Variants in ADAMTS17 observed in about 807,000 individuals in gnomAD.
The protein encoded by ADAMTS17 is ADAM metallopeptidase with thrombospondin type 1 motif 17.
In ADAMTS17, 113 loss-of-function variants were observed where a neutral mutation model predicts 141.5. The ratio of observed to expected loss-of-function variants is 0.80; its 90% confidence interval spans 0.69 to 0.93. The LOEUF is 0.93. ADAMTS17 is among the 40% of genes least tolerant of loss of function. ADAMTS17 has a pLI of 0.00. For missense variants in ADAMTS17, 1,659 were observed against 1,517.9 expected, an observed-to-expected ratio of 1.09 and a Z score of -1.54; for synonymous variants, 768 against 630.6, an observed-to-expected ratio of 1.22 and a Z score of -3.27.
At chr15:100,160,835 T>C (rs1254695613) in intron 8 of ADAMTS17, among the ~76,000 whole-genome samples, 1 of 152,206 alleles carries the variant, frequency 6.6e-6, no homozygotes, top group Non-Finnish European at 1.5e-5. Context: ...CTTTACAGTT[T>C]GATTAACCAG....
intron 15 of ADAMTS17, among the ~76,000 whole-genome samples, chr15:100,094,315 C>A (rs2035634735): frequency 6.6e-6 from 1 of 152,254 alleles, no homozygotes; most frequent in Non-Finnish European, 1.5e-5. Flanking sequence ...GGGGGACTCA[C>A]TGTCATGGCC....
At chr15:100,191,915 A>T (rs2040931901) in intron 8 of ADAMTS17, among the ~76,000 whole-genome samples, 1 of 152,180 alleles carries the variant, frequency 6.6e-6, no homozygotes, top group Non-Finnish European at 1.5e-5. Context: ...GTGGCTTGTC[A>T]AGGTGAAGAA....
intron 15 of ADAMTS17, among the ~76,000 whole-genome samples, chr15:100,077,461 CAAAAAA>C (rs61464362): frequency 1.4e-5 from 2 of 139,332 alleles, no homozygotes; most frequent in African/African-American, 5.5e-5. Flanking sequence ...GACTCCCTCT[CAAAAAA>C]AAAAAAAAAA....
At chr15:100,292,189 CGTGGGG>C (rs2044655149) in intron 3 of ADAMTS17, among the ~76,000 whole-genome samples, 1 of 148,798 alleles carries the variant, frequency 6.7e-6, no homozygotes, top group Admixed American at 6.6e-5. Flanking sequence ...ACGCTCACCC[CGTGGGG>C]AATCACGAGA....
intron 15 of ADAMTS17, among the ~76,000 whole-genome samples, chr15:100,055,637 T>A (rs973748115): frequency 6.6e-5 from 10 of 152,134 alleles, no homozygotes; most frequent in African/African-American, 2.4e-5. Flanking sequence ...CCCTGCCACT[T>A]GGAGCCGAAT....
At chr15:100,114,721 T>C (rs2037003140) in intron 13 of ADAMTS17, among the ~76,000 whole-genome samples, 1 of 152,106 alleles carries the variant, frequency 6.6e-6, no homozygotes, top group Non-Finnish European at 1.5e-5. Context: ...AGAAAGGAAG[T>C]GGGTGAAAGG....
At chr15:100,065,643 C>G (rs986035477) in intron 15 of ADAMTS17, among the ~76,000 whole-genome samples, 2 of 152,140 alleles carry the variant, frequency 1.3e-5, no homozygotes, top group Non-Finnish European at 2.9e-5. Context: ...AGTTTTCCCA[C>G]CGAAAAAGAT....
chr15:100,222,856 G>C (rs975485150), intron 7 of ADAMTS17, among the ~76,000 whole-genome samples: 2 of 152,130 alleles, frequency 1.3e-5, no homozygotes, highest in African/African-American at 4.8e-5. Flanking sequence ...GACCAGGCAG[G>C]AAGCCTAAGG....
intron 14 of ADAMTS17, among the ~76,000 whole-genome samples, chr15:100,101,269 C>A (rs1316128283): frequency 8.9e-6 from 1 of 112,880 alleles, no homozygotes; most frequent in East Asian, 2.1e-4. Flanking sequence ...CTCTATGGCA[C>A]CATTTTCTTC....
chr15:100,242,255 G>A (rs2042850354), intron 7 of ADAMTS17, among the ~76,000 whole-genome samples: 1 of 152,186 alleles, frequency 6.6e-6, no homozygotes, highest in Non-Finnish European at 1.5e-5. Context: ...CGTGAGTCCA[G>A]CGGCCGAGCA....
At chr15:100,011,059 G>GTC (rs2061157411) in intron 18 of ADAMTS17, among the ~76,000 whole-genome samples, 1 of 151,802 alleles carries the variant, frequency 6.6e-6, no homozygotes, top group African/African-American at 2.4e-5. Context: ...AGACAACGTT[G>GTC]TCTTTTGCTA....
intron 7 of ADAMTS17, among the ~76,000 whole-genome samples, chr15:100,230,526 G>C (rs558982978): frequency 6.6e-6 from 1 of 152,308 alleles, no homozygotes; most frequent in South Asian, 2.1e-4. Flanking sequence ...AGACTGGGAT[G>C]GTCTGCAAAT....
chr15:100,309,607 G>A (rs954682357), intron 3 of ADAMTS17, among the ~76,000 whole-genome samples: 6 of 152,164 alleles, frequency 3.9e-5, no homozygotes, highest in East Asian at 1.9e-4. Context: ...AGCCTACAAC[G>A]TGCCAGGCAT....
intron 18 of ADAMTS17, among the ~76,000 whole-genome samples, chr15:100,030,253 A>G (rs1332046125): frequency 6.6e-6 from 1 of 152,192 alleles, no homozygotes; most frequent in East Asian, 1.9e-4. Flanking sequence ...AGCCATGTGC[A>G]CGGTGTGGGC....
intron 3 of ADAMTS17, among the ~76,000 whole-genome samples, chr15:100,307,391 C>G (rs2045261833): frequency 6.6e-6 from 1 of 152,294 alleles, no homozygotes; most frequent in African/African-American, 2.4e-5. Flanking sequence ...CAGGAAAGAC[C>G]TGCCTGAGAC....
At chr15:99,990,510 T>G (rs915013506) in intron 20 of ADAMTS17, among the ~76,000 whole-genome samples, 13 of 152,322 alleles carry the variant, frequency 8.5e-5, no homozygotes, top group African/African-American at 3.1e-4. Flanking sequence ...GGTCAGATGT[T>G]TTGACCAGGG....
At chr15:100,283,741 C>G (rs1471483262) in intron 3 of ADAMTS17, among the ~76,000 whole-genome samples, 1 of 152,214 alleles carries the variant, frequency 6.6e-6, no homozygotes, top group Non-Finnish European at 1.5e-5. Flanking sequence ...GAGCTGAGAG[C>G]TCTCTAAGAA....
chr15:100,255,998 C>G (rs1470778897), intron 6 of ADAMTS17, among the ~76,000 whole-genome samples: 2 of 152,190 alleles, frequency 1.3e-5, no homozygotes, highest in African/African-American at 4.8e-5. Flanking sequence ...AAAGGTCAGC[C>G]GAATCTGAAT....
At chr15:100,339,595 CGCCCCAGG>C in intron 2 of ADAMTS17, among the ~76,000 whole-genome samples, 1 of 124,578 alleles carries the variant, frequency 8.0e-6, no homozygotes, top group Non-Finnish European at 1.7e-5. Context: ...CCACATTCCC[CGCCCCAGG>C]TCCACATTCC....
Sources: gnomAD v4.1 joint callset for allele counts (sites outside exome capture counted in the v4.1 genomes callset) on GRCh38, gnomAD v4.1.1 for gene constraint, MANE v1.5 for transcripts, NCBI Gene and HGNC (gene_info 2026-07-23, HGNC 2026-07-21) for gene names.